Variants in RPGR observed in about 807,000 individuals in gnomAD.
RPGR encodes X-linked retinitis pigmentosa GTPase regulator.
Under a neutral mutation model 56.3 loss-of-function variants are expected in RPGR, and 10 were observed. The observed-to-expected ratio is 0.18, with a 90% CI of 0.11 to 0.30. The LOEUF is 0.30. Among genes scored for constraint, RPGR ranks in the 10% least tolerant of loss-of-function variants. The probability of loss-of-function intolerance (pLI) is 1.00; values close to 1 mark genes in which losing one functional copy is unlikely to be tolerated. For missense variants in RPGR, 538 were observed against 590.9 expected (o/e 0.91, Z 0.93); for synonymous variants, 197 against 212.9 (o/e 0.93, Z 0.65).
chrX:38,287,719 C>G lies in RPGR; in HGVS notation c.1753+142G>C, dbSNP rs113360376. Reference sequence around the variant, plus strand: ...TTCTTCTGCTTCTGATTCCTTCTGACTGTGTCCTCCATCACTTTCCTTTTC... The same window carrying G: ...TTCTTCTGCTTCTGATTCCTTCTGAGTGTGTCCTCCATCACTTTCCTTTTC... On this transcript the variant is annotated intron_variant, in intron 14 of 18. Transcript: ENST00000642395. 510 of 587,413 alleles carry G rather than the reference C, an allele frequency of 8.7e-4. 1 individual carries two copies. The African/African-American group carries it at 0.01, about 12-fold the overall frequency. 48.4% of individuals were successfully genotyped at this position (587,413 alleles called of 1,213,427 possible).
intron 15 of RPGR, among the ~76,000 whole-genome samples, chrX:38,278,428 ACGGGGTTTCGC>A (rs2066974072): frequency 9.0e-6 from 1 of 111,713 alleles, no homozygotes; most frequent in African/African-American, 3.3e-5. Flanking sequence ...TTTAGTAAAG[ACGGGGTTTCGC>A]CATGTTGGCC....
chrX:38,288,826 G>A (rs2067237878), intron 13 of RPGR, among the ~76,000 whole-genome samples: 1 of 109,760 alleles, frequency 9.1e-6, no homozygotes. Flanking sequence ...CTGTCACCTA[G>A]GCTGGAGCTC....
intron 18 of RPGR, among the ~76,000 whole-genome samples, chrX:38,271,602 A>G (rs1280134813): frequency 8.9e-6 from 1 of 111,944 alleles, no homozygotes; most frequent in East Asian, 2.8e-4. Flanking sequence ...GTCTACCTAC[A>G]AACATTGTGG....
intron 7 of RPGR, among the ~76,000 whole-genome samples, chrX:38,307,522 A>G (rs2067626919): frequency 8.9e-6 from 1 of 112,293 alleles, no homozygotes; most frequent in Admixed American, 9.5e-5. Flanking sequence ...AGAAACACCT[A>G]ATCCAAGTGC....
chrX:38,275,135 G>A lies in RPGR; in HGVS notation c.2103C>T (p.Ala701=). The A allele has an allele frequency of 8.3e-7, 1 of 1,208,636 alleles. No individual in the cohort carries two copies. Among genetic ancestry groups the A allele is most frequent in the Non-Finnish European group, 1.1e-6 (1 of 893,057 alleles). Reference sequence around the variant, plus strand: ...CACAAATGGCCCGTTCCTCTAGGTTGGCTTTTTCTTTCTATAAACAATAAC... The same window carrying A: ...CACAAATGGCCCGTTCCTCTAGGTTAGCTTTTTCTTTCTATAAACAATAAC... Residue 701 remains alanine, a synonymous_variant, in exon 17 of 19, where the codon GCC becomes GCT. Transcript: ENST00000642395.
chrX:38,295,634 C>T (rs949526329), intron 11 of RPGR, among the ~76,000 whole-genome samples: 6 of 111,947 alleles, frequency 5.4e-5, no homozygotes, highest in African/African-American at 1.6e-4. Context: ...CAAAAGAAAA[C>T]ATACAAAAGT....
chrX:38,276,463 T>C, intron 16 of RPGR: 1 of 646,281 alleles, frequency 1.5e-6, no homozygotes. Flanking sequence ...CATGAATTCA[T>C]GTATTCATGT....
chrX:38,282,537 TCTC>T (rs2067049889), intron 15 of RPGR, among the ~76,000 whole-genome samples: 1 of 111,291 alleles, frequency 9.0e-6, no homozygotes, highest in South Asian at 3.8e-4. Flanking sequence ...CTCCTGAACA[TCTC>T]CTACAATCTA....
At chrX:38,284,979 A>G (rs1818325343) in intron 15 of RPGR, 1 of 754,420 alleles carries the variant, frequency 1.3e-6, no homozygotes, top group Non-Finnish European at 1.6e-6. Flanking sequence ...CACTTTGTAG[A>G]TTTTTGCAAA....
At chrX:38,279,704 G>A (rs1213488264) in intron 15 of RPGR, among the ~76,000 whole-genome samples, 2 of 85,472 alleles carry the variant, frequency 2.3e-5, no homozygotes, top group East Asian at 5.6e-4. Flanking sequence ...GTATGAGATA[G>A]GCACTTTTGT....
At position 38,289,678 on chromosome X, in the gene RPGR, C is replaced by T. The variant is rs186409269; in HGVS notation, c.1572+1281G>A. ...ACAGAAATAGTATAATAAATCTTTT[C>T]TCATTTACTAAAGTAGGCCTGGTAG... On this transcript the variant is annotated intron_variant, in intron 13 of 18. Coordinates refer to ENST00000642395, the MANE Select transcript of RPGR (RefSeq NM_000328.3). Among the ~76,000 whole-genome samples, 62 of 112,554 alleles carry T rather than the reference C, an allele frequency of 5.5e-4. 1 individual carries two copies. The highest frequency in any genetic ancestry group is 5.2e-3 in the Admixed American group (56 of 10,671).
At chrX:38,303,317 GAA>G (rs371659681) in intron 8 of RPGR, among the ~76,000 whole-genome samples, 2 of 98,563 alleles carry the variant, frequency 2.0e-5, no homozygotes, top group Non-Finnish European at 2.1e-5. Flanking sequence ...AGTCCTGGAG[GAA>G]AAAAAAAAAA....
At chrX:38,297,121 C>A (rs1020066867) in intron 11 of RPGR, among the ~76,000 whole-genome samples, 163 bp downstream of exon 11, 6 of 111,908 alleles carry the variant, frequency 5.4e-5, no homozygotes, top group African/African-American at 1.6e-4. Flanking sequence ...GTGCTTTCTA[C>A]TTGTAAGGAT....
At position 38,327,387 on chromosome X, in the gene RPGR, G is replaced by A; in HGVS notation, c.-20C>T. 29 of 1,178,902 alleles carry A rather than the reference G, an allele frequency of 2.5e-5. No homozygotes were observed. Among genetic ancestry groups the A allele is most frequent in the Non-Finnish European group, 3.3e-5 (29 of 879,155 alleles). ...CCTCATGCCACGGGCAGTACGGGCA[G>A]CCTGCGCCGGGGCCAGGAGGCTGTA... On this transcript the variant is annotated 5_prime_UTR_variant, in exon 1 of 19. Coordinates refer to ENST00000642395, the MANE Select transcript of RPGR (RefSeq NM_000328.3).
chrX:38,279,049 A>C (rs181346863), intron 15 of RPGR: 25 of 242,470 alleles, frequency 1.0e-4, no homozygotes, highest in Admixed American at 6.1e-4. Context: ...AATTTGAGAA[A>C]GCTATTAGAA....
chrX:38,321,246 CT>C (rs749405881), intron 3 of RPGR, among the ~76,000 whole-genome samples, 157 bp from the exon 4 acceptor site: 1 of 112,264 alleles, frequency 8.9e-6, no homozygotes, highest in South Asian at 3.7e-4. Flanking sequence ...GTTTTCAGAA[CT>C]GGTTGTGTAC....
At chrX:38,288,469 C>T (rs1241500566) in intron 13 of RPGR, among the ~76,000 whole-genome samples, 2 of 111,733 alleles carry the variant, frequency 1.8e-5, no homozygotes, top group African/African-American at 6.5e-5. Context: ...CTTTAAGAGG[C>T]CGAGGCGGGT....
At chrX:38,293,218 C>A (rs1285854749) in intron 11 of RPGR, among the ~76,000 whole-genome samples, 3 of 111,260 alleles carry the variant, frequency 2.7e-5, no homozygotes, top group Non-Finnish European at 5.7e-5. Context: ...ACATCTTAGG[C>A]TTCCTGGGCC....
intron 13 of RPGR, among the ~76,000 whole-genome samples, chrX:38,288,597 C>G (rs1174726563): frequency 9.1e-6 from 1 of 110,360 alleles, no homozygotes; most frequent in Non-Finnish European, 1.9e-5. Flanking sequence ...CCCAGCTACT[C>G]GGGAGGCTGA....
Sources: gnomAD v4.1 joint callset for allele counts (sites outside exome capture counted in the v4.1 genomes callset) on GRCh38, gnomAD v4.1.1 for gene constraint, MANE v1.5 for transcripts, NCBI Gene and HGNC (gene_info 2026-07-23, HGNC 2026-07-21) for gene names.